The following ORC4 variants were observed in gnomAD, a reference collection of about 807,000 sequenced individuals.
ORC4 encodes origin recognition complex subunit 4, also known as origin recognition complex, subunit 4 homolog.
A neutral mutation model predicts 63.9 loss-of-function variants in ORC4; 55 were observed. The observed-to-expected ratio is 0.86, with a 90% CI of 0.69 to 1.08. ORC4 has a LOEUF of 1.08. ORC4 is among the 50% of genes least tolerant of loss of function. The pLI, the probability that ORC4 is intolerant of heterozygous loss-of-function variation, is 0.00. For synonymous variants in ORC4, 150 were observed against 168.5 expected, an observed-to-expected ratio of 0.89 and a Z score of 0.85; for missense variants, 511 against 504.4, an observed-to-expected ratio of 1.01 and a Z score of -0.13.
rs149303896 is a variant in ORC4, at chr2:147,964,993, C to T, written c.226-6127G>A. ...TTCAGAAATAAAGGAGAAATAAAAT[C>T]TTTCACAGACAAGCAAAAACTAAAG... is the stretch of plus-strand genomic sequence containing the variant. On this transcript the variant is annotated intron_variant, in intron 4 of 13. Coordinates refer to ENST00000392857, the MANE Select transcript of ORC4 (RefSeq NM_181741.4). Among the ~76,000 whole-genome samples, 311 of 152,178 alleles carry T rather than the reference C, an allele frequency of 2.0e-3. 1 individual carries two copies. Among genetic ancestry groups the T allele is most frequent in the African/African-American group, 7.2e-3 (300 of 41,540 alleles).
At chr2:147,969,091 A>G (rs1167982036) in intron 4 of ORC4, among the ~76,000 whole-genome samples, 1 of 152,064 alleles carries the variant, frequency 6.6e-6, no homozygotes, top group Non-Finnish European at 1.5e-5. Flanking sequence ...AGTAGGTCTT[A>G]CAGAAGTCAA....
intron 1 of ORC4, among the ~76,000 whole-genome samples, chr2:147,987,578 G>A (rs1038380157): frequency 6.6e-6 from 1 of 151,862 alleles, no homozygotes; most frequent in Non-Finnish European, 1.5e-5. Flanking sequence ...ACGACGCCAG[G>A]AGCTGTAACA....
intron 9 of ORC4, among the ~76,000 whole-genome samples, chr2:147,946,116 A>AT (rs758488801): frequency 4.0e-4 from 61 of 152,062 alleles, no homozygotes; most frequent in African/African-American, 1.3e-3. Flanking sequence ...CATGGTTATC[A>AT]TTTTCTAAGT....
intron 8 of ORC4, among the ~76,000 whole-genome samples, chr2:147,949,235 T>G (rs1688820998): frequency 1.3e-5 from 2 of 151,652 alleles, no homozygotes; most frequent in Admixed American, 1.3e-4. Flanking sequence ...ATAAACAAAG[T>G]GTGGTATATC....
intron 1 of ORC4, among the ~76,000 whole-genome samples, chr2:148,003,576 A>ACT (rs1227891855): frequency 6.6e-6 from 1 of 152,080 alleles, no homozygotes; most frequent in Non-Finnish European, 1.5e-5. Context: ...CATGCTAAAA[A>ACT]CTCTCAATAA....
chr2:148,021,183 C>A, upstream of ORC4: 1 of 190,292 alleles, frequency 5.3e-6, no homozygotes, highest in South Asian at 7.6e-5. Flanking sequence ...TTTAAAGGGA[C>A]AGGACACTAA....
chr2:147,958,523 G>A, intron 5 of ORC4, 140 bp from the exon 6 acceptor site: 2 of 647,838 alleles, frequency 3.1e-6, no homozygotes, highest in Non-Finnish European at 5.4e-6. Flanking sequence ...TAGCAATAAA[G>A]ACATTCGGTA....
intron 1 of ORC4, among the ~76,000 whole-genome samples, chr2:147,995,734 T>A (rs1691924036): frequency 6.6e-6 from 1 of 151,652 alleles, no homozygotes; most frequent in African/African-American, 2.4e-5. Flanking sequence ...ACGAACCCAA[T>A]GGAAGGAAGA....
At chr2:147,993,018 C>T (rs185260730) in intron 1 of ORC4, among the ~76,000 whole-genome samples, 183 of 152,268 alleles carry the variant, frequency 1.2e-3, no homozygotes, top group African/African-American at 3.9e-3. Flanking sequence ...GTTCCATACC[C>T]GGAAGGAAAG....
chr2:147,952,540 A>G lies in ORC4; in HGVS notation c.437-16T>C. 6.3e-7 allele frequency: 1 copy of G among 1,575,646 alleles called. No individual in the cohort carries two copies. Among genetic ancestry groups the G allele is most frequent in the Non-Finnish European group, 8.7e-7 (1 of 1,145,192 alleles). ...GTTCGGTCACCTAAGATAAAATAAG[A>G]GCATTACATTAATAAGAAATTATAT... On this transcript the variant is annotated splice_polypyrimidine_tract_variant and intron_variant, in intron 7 of 13. Transcript: ENST00000392857.
At chr2:148,015,023 C>CTAA (rs1693184039) in intron 1 of ORC4, among the ~76,000 whole-genome samples, 2 of 151,354 alleles carry the variant, frequency 1.3e-5, no homozygotes, top group Admixed American at 6.6e-5. Flanking sequence ...ATGCATTGAT[C>CTAA]TAATAATCTC....
intron 2 of ORC4, among the ~76,000 whole-genome samples, chr2:147,975,560 T>C (rs1192073251): frequency 6.7e-6 from 1 of 149,672 alleles, no homozygotes; most frequent in Non-Finnish European, 1.5e-5. Flanking sequence ...GCTAGAATTC[T>C]GACTACCCAG....
intron 1 of ORC4, among the ~76,000 whole-genome samples, chr2:147,980,298 T>C (rs1192093360): frequency 1.3e-5 from 2 of 152,120 alleles, no homozygotes; most frequent in African/African-American, 4.8e-5. Flanking sequence ...ACAAAGCACT[T>C]ACATTGTATT....
chr2:147,977,268 C>T (rs1324129730), intron 1 of ORC4, among the ~76,000 whole-genome samples: 2 of 152,214 alleles, frequency 1.3e-5, no homozygotes, highest in African/African-American at 2.4e-5. Context: ...CATCTAATCT[C>T]CAGAAGGAAC....
intron 1 of ORC4, among the ~76,000 whole-genome samples, chr2:148,019,774 C>A (rs1693579082): frequency 6.6e-6 from 1 of 152,106 alleles, no homozygotes; most frequent in Non-Finnish European, 1.5e-5. Flanking sequence ...TGAAAAAGAA[C>A]CAGCACTGTT....
chr2:147,990,093 T>C (rs1053246753), intron 1 of ORC4, among the ~76,000 whole-genome samples: 3 of 152,120 alleles, frequency 2.0e-5, no homozygotes, highest in African/African-American at 7.2e-5. Context: ...CTCCCTTTAT[T>C]AGAAAAAAGT....
chr2:147,964,097 C>A lies in ORC4; in HGVS notation c.226-5231G>T, dbSNP rs1183160632. 2.0e-5 allele frequency among the ~76,000 whole-genome samples: 3 copies of A among 152,116 alleles called. No individual in the cohort carries two copies. In the East Asian group the frequency reaches 5.8e-4, roughly 29 times the overall value. On this transcript the variant is annotated intron_variant, in intron 4 of 13. Transcript: ENST00000392857. Reference sequence around the variant, plus strand: ...ACACTTCCAAAGGAAAACAATAATTCCTCTAGTAACAGACAAGAATCATAA... The same window carrying A: ...ACACTTCCAAAGGAAAACAATAATTACTCTAGTAACAGACAAGAATCATAA...
Position 147,933,005 on chromosome 2 carries a change from A to G in ORC4, c.*2505T>C, listed in dbSNP as rs963315004. ...TGGACCAAACAGGTATTCATTCCCC[A>G]GAGCCTTTCACATGCACGAGAATCA... On this transcript the variant is annotated 3_prime_UTR_variant, in exon 14 of 14. Transcript: ENST00000392857. The G allele has an allele frequency of 2.6e-5, 4 of 152,080 alleles. No individual in the cohort carries two copies. The highest frequency in any genetic ancestry group is 2.9e-5 in the Non-Finnish European group (2 of 68,006). The allele number at this position is 152,080 out of a possible 1,614,324, so 9.4% of individuals were successfully genotyped here. A position where few individuals can be genotyped will look rare whatever the true frequency, so the allele number is the denominator to read the frequency against.
intron 2 of ORC4, among the ~76,000 whole-genome samples, chr2:147,974,400 G>A (rs988543220): frequency 7.9e-5 from 12 of 152,062 alleles, no homozygotes; most frequent in East Asian, 1.9e-4. Flanking sequence ...TTGGGAGGTC[G>A]AGATGGGCAG....
Sources: allele counts gnomAD v4.1 joint callset (sites outside exome capture counted in the v4.1 genomes callset), GRCh38; gene constraint gnomAD v4.1.1; transcripts MANE v1.5; gene names NCBI Gene and HGNC (gene_info 2026-07-23, HGNC 2026-07-21).